PARG: variants seen among roughly 807,000 people sequenced by gnomAD.
PARG encodes the protein mitochondrial poly(ADP-ribose) glycohydrolase.
PARG carries 35 observed loss-of-function variants against 113.0 expected under a neutral mutation model. The ratio of observed to expected loss-of-function variants is 0.31; its 90% CI spans 0.24 to 0.41. PARG has a LOEUF of 0.41. Ranked by LOEUF, PARG falls within the 10% of genes least tolerant of loss-of-function variation. The probability of loss-of-function intolerance (pLI) is 1.00; values close to 1 mark genes in which losing one functional copy is unlikely to be tolerated. For synonymous variants in PARG, 330 were observed against 409.9 expected (o/e 0.81, Z 2.36); for missense variants, 797 against 1,169.4 (o/e 0.68, Z 4.64).
intron 9 of PARG, among the ~76,000 whole-genome samples, chr10:49,873,455 T>G (rs1846795890): frequency 6.6e-6 from 1 of 151,456 alleles, no homozygotes; most frequent in Non-Finnish European, 1.5e-5. Context: ...CAGAGCATTT[T>G]GCTCATGACA....
chr10:49,828,092 C>CAAAAAAAAAAAAAAAAAAAAAAAAAA (rs71026274), intron 16 of PARG, among the ~76,000 whole-genome samples: 2 of 50,410 alleles, frequency 4.0e-5, no homozygotes, highest in Non-Finnish European at 7.0e-5. Flanking sequence ...AAAGCTTAAA[C>CAAAAAAAAAAAAAAAAAAAAAAAAAA]AAAAAAAAAA....
chr10:49,887,206 CT>C lies in PARG; in HGVS notation c.1738-1912del, dbSNP rs1242675083. ...AGCTAGGACTATACAGGCCTTTTTG[CT>C]TTTTAAAACTATGTATTCTGAAATA... On this transcript the variant is annotated intron_variant, in intron 7 of 17. Transcript: ENST00000616448. Among the ~76,000 whole-genome samples, 17 of 152,052 alleles carry C rather than the reference CT, an allele frequency of 1.1e-4. No individual in the cohort carries two copies. In the East Asian group the frequency reaches 3.1e-3, roughly 28 times the overall value.
chr10:49,836,307 CTTTTTTTT>C (rs1168567519), intron 15 of PARG, among the ~76,000 whole-genome samples: 64 of 48,006 alleles, frequency 1.3e-3, no homozygotes, highest in South Asian at 5.2e-3. Context: ...TTTCTTACGA[CTTTTTTTT>C]TTTTTTTTTT....
At chr10:49,888,831 C>A (rs1360178844) in intron 7 of PARG, among the ~76,000 whole-genome samples, 1 of 152,152 alleles carries the variant, frequency 6.6e-6, no homozygotes, top group African/African-American at 2.4e-5. Flanking sequence ...TCTTTCCCCT[C>A]CCTTTCTGTC....
At position 49,941,745 on chromosome 10, in the gene PARG, T is replaced by C. The variant is rs1839093863; in HGVS notation, c.-20A>G. ...ATTCATGCTGGGACCAGCAGCGCAC[T>C]GTCCCCGGGCCGGCCCGGGCGGAGA... is the stretch of plus-strand genomic sequence containing the variant. On this transcript the variant is annotated 5_prime_UTR_variant, in exon 1 of 18. Coordinates refer to ENST00000616448, the MANE Select transcript of PARG (RefSeq NM_003631.5). 7.7e-6 allele frequency: 12 copies of C among 1,556,658 alleles called. No individual in the cohort carries two copies. Among genetic ancestry groups the C allele is most frequent in the Non-Finnish European group, 1.0e-5 (12 of 1,154,378 alleles).
intron 10 of PARG, among the ~76,000 whole-genome samples, chr10:49,866,407 A>C (rs1846516498): frequency 6.6e-6 from 1 of 152,072 alleles, no homozygotes; most frequent in African/African-American, 2.4e-5. Context: ...AACCATATGG[A>C]GCAGTTGCAG....
chr10:49,837,792 T>C (rs1554831402), intron 15 of PARG, among the ~76,000 whole-genome samples: 1 of 152,244 alleles, frequency 6.6e-6, no homozygotes, highest in East Asian at 1.9e-4. Context: ...ATTTATCAGA[T>C]GCCTTCCCAT....
chr10:49,885,207 G>C lies in PARG; in HGVS notation c.1826C>G (p.Thr609Ser), dbSNP rs1847416726. The C allele has an allele frequency of 6.5e-7, 1 of 1,531,860 alleles. No individual in the cohort carries two copies. The highest frequency in any genetic ancestry group is 1.7e-5 in the Admixed American group (1 of 59,848). The allele number at this position is 1,531,860 out of a possible 1,614,324, so 94.9% of individuals were successfully genotyped here. ...KIALCLPNIC[T>S]QPIPLLKQKM... ...GAGGAAGCTACATCCACTAACCTGG[G>C]TGCAAATATTTGGCAGACAGAGTGC... is the stretch of plus-strand genomic sequence containing the variant. The change falls in exon 8 of 18, where the codon ACC becomes AGC. Residue 609 changes from threonine to serine, a missense_variant. Around this residue, in one of 5 missense-constraint regions of PARG, gnomAD observed 252 missense variants for 437.4 expected, o/e 0.58. Transcript: ENST00000616448.
intron 13 of PARG, among the ~76,000 whole-genome samples, chr10:49,851,126 T>C (rs1845741368): frequency 6.6e-6 from 1 of 152,130 alleles, no homozygotes; most frequent in Non-Finnish European, 1.5e-5. Context: ...TCATGACCTC[T>C]TCATGATTTT....
chr10:49,846,338 A>C (rs1845505567), intron 13 of PARG, among the ~76,000 whole-genome samples: 1 of 151,902 alleles, frequency 6.6e-6, no homozygotes, highest in Non-Finnish European at 1.5e-5. Context: ...CTGACCAGAA[A>C]AAGGCTCAAG....
intron 12 of PARG, among the ~76,000 whole-genome samples, chr10:49,859,842 A>T (rs1846172974): frequency 6.6e-6 from 1 of 152,202 alleles, no homozygotes; most frequent in Non-Finnish European, 1.5e-5. Flanking sequence ...TACTTAAAAA[A>T]GTTCTTAACA....
intron 7 of PARG, among the ~76,000 whole-genome samples, chr10:49,902,681 G>A (rs1301087113): frequency 6.6e-6 from 1 of 152,028 alleles, no homozygotes; most frequent in Non-Finnish European, 1.5e-5. Context: ...TACTTTTTAG[G>A]GTAAAAATGC....
At chr10:49,888,688 T>A (rs1308331267) in intron 7 of PARG, among the ~76,000 whole-genome samples, 6 of 152,196 alleles carry the variant, frequency 3.9e-5, no homozygotes, top group Non-Finnish European at 8.8e-5. Context: ...TTATAGTATG[T>A]CTTGGTATGA....
Position 49,891,130 on chromosome 10 carries a change from T to A in PARG, c.1738-5835A>T, listed in dbSNP as rs1328824145. Among the ~76,000 whole-genome samples, 3 of 151,964 alleles carry A rather than the reference T, an allele frequency of 2.0e-5. No homozygotes were observed. The East Asian group carries it at 5.8e-4, about 29-fold the overall frequency. ...GAGATCAAGACCATCCTGGCTAACA[T>A]GGTGAAACCCTATCTTTACTAAAAA... On this transcript the variant is annotated intron_variant, in intron 7 of 17. Transcript: ENST00000616448.
chr10:49,822,052 A>G (rs1335696694), intron 16 of PARG, among the ~76,000 whole-genome samples: 10 of 152,202 alleles, frequency 6.6e-5, no homozygotes, highest in African/African-American at 2.2e-4. Context: ...TTTGAATTGT[A>G]TTAGAGGAAT....
At chr10:49,820,847 A>G (rs565120901) in intron 16 of PARG, among the ~76,000 whole-genome samples, 2 of 152,304 alleles carry the variant, frequency 1.3e-5, no homozygotes, top group South Asian at 4.1e-4. Context: ...CCTTTGCTGA[A>G]CCACAAATAA....
Position 49,941,756 on chromosome 10 carries a change from C to A in PARG, c.-31G>T. On this transcript the variant is annotated 5_prime_UTR_variant, in exon 1 of 18. Transcript: ENST00000616448. ...GACCAGCAGCGCACTGTCCCCGGGC[C>A]GGCCCGGGCGGAGAGCCTCATTCAC... 6.5e-7 allele frequency: 1 copy of A among 1,548,150 alleles called. No individual in the cohort carries two copies. Among genetic ancestry groups the A allele is most frequent in the East Asian group, 2.4e-5 (1 of 41,184 alleles).
In PARG at chr10:49,941,518, T is replaced by A. The variant is rs1839069054; in HGVS notation, c.208A>T (p.Thr70Ser). The change falls in exon 1 of 18, where the codon ACC (threonine) becomes TCC (serine). Residue 70 changes from threonine to serine, a missense_variant. By Grantham distance (58) the Thr-to-Ser change is moderately conservative (BLOSUM62 1). Coordinates refer to ENST00000616448, the MANE Select transcript of PARG (RefSeq NM_003631.5). ...GRAGQHRGSA[T>S]SLVFKQKTIT... is the part of the protein sequence containing the mutation. ...TTATTTTCCCACGTACCAAGCGAGG[T>A]GGCGCTGCCTCTGTGCTGTCCCGCC... The A allele has an allele frequency of 9.7e-6, 15 of 1,552,116 alleles. No homozygotes were observed. The highest frequency in any genetic ancestry group is 1.3e-5 in the Non-Finnish European group (15 of 1,147,242).
chr10:49,932,841 A>G (rs1274515146), intron 3 of PARG, among the ~76,000 whole-genome samples: 1 of 152,206 alleles, frequency 6.6e-6, no homozygotes, highest in Admixed American at 6.5e-5. Flanking sequence ...AAAAAAAAAA[A>G]AAGTGTAATA....
Sources: gnomAD v4.1 joint callset for allele counts (sites outside exome capture counted in the v4.1 genomes callset) on GRCh38, gnomAD v4.1.1 for gene constraint, gnomAD v4.1.1 regional missense constraint, MANE v1.5 for transcripts, NCBI Gene and HGNC (gene_info 2026-07-23, HGNC 2026-07-21) for gene names.